The following NWD2 variants were observed in gnomAD, a reference collection of about 807,000 sequenced individuals.
NWD2 encodes NACHT and WD repeat domain containing 2, also known as NACHT and WD repeat domain-containing protein 2.
In NWD2, 37 loss-of-function variants were observed where a neutral mutation model predicts 132.7. The observed-to-expected ratio is 0.28, with a 90% CI of 0.21 to 0.37. The LOEUF is 0.37. Ranked by LOEUF, NWD2 falls within the 10% of genes least tolerant of loss-of-function variation. The pLI, the probability that NWD2 is intolerant of heterozygous loss-of-function variation, is 1.00. For synonymous variants in NWD2, 705 were observed against 803.0 expected, an observed-to-expected ratio of 0.88 and a Z score of 2.06; for missense variants, 1,592 against 2,122.4, an observed-to-expected ratio of 0.75 and a Z score of 4.91.
At chr4:37,362,710 C>T (rs1239369221) in intron 3 of NWD2, among the ~76,000 whole-genome samples, 1 of 152,162 alleles carries the variant, frequency 6.6e-6, no homozygotes, top group Non-Finnish European at 1.5e-5. Flanking sequence ...CTGTAGTAAT[C>T]CCAGAAGAAA....
intron 1 of NWD2, among the ~76,000 whole-genome samples, chr4:37,287,846 A>G (rs2109270884): frequency 6.6e-6 from 1 of 152,372 alleles, no homozygotes; most frequent in Admixed American, 6.5e-5. Context: ...TCATTCTATG[A>G]AGATACATGC....
chr4:37,406,273 C>A (rs549724237), intron 3 of NWD2, among the ~76,000 whole-genome samples: 1 of 152,250 alleles, frequency 6.6e-6, no homozygotes, highest in Non-Finnish European at 1.5e-5. Context: ...ACCGACACAT[C>A]CCAAGCATTG....
At chr4:37,373,880 G>A (rs1720285460) in intron 3 of NWD2, among the ~76,000 whole-genome samples, 1 of 152,200 alleles carries the variant, frequency 6.6e-6, no homozygotes, top group Non-Finnish European at 1.5e-5. Context: ...TAATGTATCT[G>A]AAAATGGTTT....
intron 3 of NWD2, among the ~76,000 whole-genome samples, chr4:37,392,313 A>C (rs541339190): frequency 5.4e-4 from 83 of 152,344 alleles, no homozygotes; most frequent in Admixed American, 2.2e-3. Context: ...TCAAAACTGA[A>C]GACTAGAACG....
intron 3 of NWD2, among the ~76,000 whole-genome samples, chr4:37,398,753 A>G (rs367572489): frequency 2.6e-5 from 4 of 152,246 alleles, no homozygotes; most frequent in African/African-American, 7.2e-5. Context: ...ATATAATCAT[A>G]TCTATGCCAA....
chr4:37,276,762 T>A (rs1002663207), intron 1 of NWD2, among the ~76,000 whole-genome samples: 2 of 152,080 alleles, frequency 1.3e-5, no homozygotes, highest in East Asian at 3.9e-4. Context: ...ATAGATTGGA[T>A]TAAGAAAATG....
intron 1 of NWD2, among the ~76,000 whole-genome samples, chr4:37,289,127 C>A (rs1718307226): frequency 6.6e-6 from 1 of 152,078 alleles, no homozygotes. Context: ...TCAGTGACTT[C>A]TCATAATGAA....
At chr4:37,342,903 C>A (rs185654018) in intron 2 of NWD2, among the ~76,000 whole-genome samples, 1 of 152,164 alleles carries the variant, frequency 6.6e-6, no homozygotes, top group Non-Finnish European at 1.5e-5. Context: ...CCTTTCTGGG[C>A]TTAACTGAGG....
At chr4:37,320,251 T>A (rs763077762) in intron 1 of NWD2, among the ~76,000 whole-genome samples, 1 of 152,176 alleles carries the variant, frequency 6.6e-6, no homozygotes, top group Non-Finnish European at 1.5e-5. Context: ...CAGGAGCAAG[T>A]AATGGCTGAA....
chr4:37,250,337 ATTC>A (rs1245136158), intron 1 of NWD2, among the ~76,000 whole-genome samples: 1 of 152,246 alleles, frequency 6.6e-6, no homozygotes, highest in Non-Finnish European at 1.5e-5. Flanking sequence ...AGCAGACGTT[ATTC>A]AAGTGGAGAA....
At chr4:37,313,059 T>C (rs1386015895) in intron 1 of NWD2, among the ~76,000 whole-genome samples, 3 of 151,236 alleles carry the variant, frequency 2.0e-5, no homozygotes, top group East Asian at 1.9e-4. Context: ...TTTGCATCAA[T>C]GTTCATCAAG....
intron 4 of NWD2, among the ~76,000 whole-genome samples, chr4:37,431,545 C>A (rs1712178904): frequency 6.6e-6 from 1 of 152,060 alleles, no homozygotes; most frequent in African/African-American, 2.4e-5. Context: ...AGATGTTGGT[C>A]AAAGGTCACA....
intron 1 of NWD2, among the ~76,000 whole-genome samples, chr4:37,266,420 C>T (rs557781298): frequency 1.3e-5 from 2 of 152,114 alleles, no homozygotes; most frequent in African/African-American, 4.8e-5. Flanking sequence ...TGGCAGTAGT[C>T]GATGTAGCTA....
chr4:37,375,169 C>A (rs549224340), intron 3 of NWD2, among the ~76,000 whole-genome samples: 1 of 152,314 alleles, frequency 6.6e-6, no homozygotes, highest in South Asian at 2.1e-4. Flanking sequence ...TTCTCTTACT[C>A]ATTTTTTAAA....
intron 2 of NWD2, among the ~76,000 whole-genome samples, chr4:37,341,071 A>G (rs1243963735): frequency 6.6e-6 from 1 of 152,222 alleles, no homozygotes; most frequent in Non-Finnish European, 1.5e-5. Flanking sequence ...CGATTTCTTG[A>G]CTTTGTAATG....
intron 4 of NWD2, 35 bp from the exon 5 acceptor site, chr4:37,433,841 T>C (rs1345550689): frequency 4.0e-6 from 6 of 1,484,664 alleles, no homozygotes; most frequent in Non-Finnish European, 4.5e-6. Flanking sequence ...CTTTGATGAT[T>C]GTAAGACTAA....
chr4:37,412,904 G>T (rs1227901556), intron 3 of NWD2, among the ~76,000 whole-genome samples: 1 of 152,198 alleles, frequency 6.6e-6, no homozygotes, highest in Non-Finnish European at 1.5e-5. Context: ...TTAATGAATG[G>T]TGTTGGGAAA....
chr4:37,387,149 C>G (rs1219333363), intron 3 of NWD2, among the ~76,000 whole-genome samples: 1 of 152,058 alleles, frequency 6.6e-6, no homozygotes, highest in Admixed American at 6.6e-5. Flanking sequence ...TCATCATCAT[C>G]CAGTGGAAAT....
At chr4:37,403,632 A>G (rs1720940356) in intron 3 of NWD2, among the ~76,000 whole-genome samples, 1 of 151,412 alleles carries the variant, frequency 6.6e-6, no homozygotes. Context: ...TAAAGCTCAA[A>G]TCCTCTCTAG....
Sources: allele counts gnomAD v4.1 joint callset (sites outside exome capture counted in the v4.1 genomes callset), GRCh38; gene constraint gnomAD v4.1.1; transcripts MANE v1.5; gene names NCBI Gene and HGNC (gene_info 2026-07-23, HGNC 2026-07-21).